The following RAB27B variants were observed in gnomAD, a reference collection of about 807,000 sequenced individuals.
RAB27B encodes ras-related protein Rab-27B.
In RAB27B, 15 loss-of-function variants were observed where a neutral mutation model predicts 24.6. The observed-to-expected ratio is 0.61, with a 90% CI of 0.41 to 0.94. RAB27B has a LOEUF of 0.94. RAB27B is among the 40% of genes least tolerant of loss of function. RAB27B has a pLI of 0.00. For missense variants in RAB27B, 261 were observed against 266.8 expected, an observed-to-expected ratio of 0.98 and a Z score of 0.15; for synonymous variants, 105 against 92.5, an observed-to-expected ratio of 1.14 and a Z score of -0.78.
intron 2 of RAB27B, among the ~76,000 whole-genome samples, chr18:54,879,080 C>G (rs1445489867): frequency 6.6e-6 from 1 of 152,092 alleles, no homozygotes; most frequent in African/African-American, 2.4e-5. Flanking sequence ...GTATTTGAAC[C>G]TAGAACTTGG....
intron 2 of RAB27B, among the ~76,000 whole-genome samples, chr18:54,808,518 A>T (rs1193694429): frequency 1.3e-5 from 2 of 152,272 alleles, no homozygotes; most frequent in Non-Finnish European, 2.9e-5. Context: ...GTTGAGGAAC[A>T]TTAGAAATCT....
chr18:54,761,488 T>C (rs12960512), intron 2 of RAB27B, among the ~76,000 whole-genome samples: 19,833 of 152,108 alleles, frequency 0.13, 1,686 homozygotes, highest in Admixed American at 0.18. Flanking sequence ...TAATAGAAAA[T>C]ACCAAACAGT....
chr18:54,809,666 G>C (rs1032167338), intron 2 of RAB27B, among the ~76,000 whole-genome samples: 1 of 152,210 alleles, frequency 6.6e-6, no homozygotes, highest in Non-Finnish European at 1.5e-5. Context: ...GTTAGGAAAT[G>C]CTTTAGTTAA....
At chr18:54,831,391 TGGGGACAG>T (rs1217262451) in intron 1 of RAB27B, among the ~76,000 whole-genome samples, 1 of 151,924 alleles carries the variant, frequency 6.6e-6, no homozygotes, top group Admixed American at 6.6e-5. Flanking sequence ...GAGGAGATAA[TGGGGACAG>T]GTCTTGGAGG....
chr18:54,814,242 G>C (rs1382429484), intron 2 of RAB27B, among the ~76,000 whole-genome samples: 3 of 152,192 alleles, frequency 2.0e-5, no homozygotes, highest in Non-Finnish European at 4.4e-5. Flanking sequence ...CTTTGTCACA[G>C]TTACTATTCA....
intron 1 of RAB27B, among the ~76,000 whole-genome samples, chr18:54,832,019 C>G (rs993131942): frequency 6.6e-6 from 1 of 152,170 alleles, no homozygotes; most frequent in African/African-American, 2.4e-5. Context: ...CATGATCTGC[C>G]TACCTTGGCC....
intron 1 of RAB27B, among the ~76,000 whole-genome samples, chr18:54,871,044 G>T (rs1314327642): frequency 6.6e-6 from 1 of 152,160 alleles, no homozygotes; most frequent in Non-Finnish European, 1.5e-5. Flanking sequence ...AGGCAAAAAT[G>T]TTATTTAGAG....
At chr18:54,852,120 G>C (rs2145220755) in intron 1 of RAB27B, among the ~76,000 whole-genome samples, 1 of 152,232 alleles carries the variant, frequency 6.6e-6, no homozygotes, top group African/African-American at 2.4e-5. Context: ...TTTTGCAGTT[G>C]CAACACTTGT....
At chr18:54,877,302 A>G (rs972323487) in intron 1 of RAB27B, among the ~76,000 whole-genome samples, 1 of 152,188 alleles carries the variant, frequency 6.6e-6, no homozygotes, top group Non-Finnish European at 1.5e-5. Flanking sequence ...TTACAGCAGC[A>G]TGAGAACAGA....
intron 2 of RAB27B, among the ~76,000 whole-genome samples, chr18:54,786,380 G>A (rs528446406): frequency 6.6e-5 from 10 of 152,236 alleles, no homozygotes; most frequent in East Asian, 5.8e-4. Context: ...GGAAGTTCAC[G>A]GAGAACAGCT....
intron 2 of RAB27B, among the ~76,000 whole-genome samples, chr18:54,764,739 A>G (rs1441093701): frequency 2.0e-5 from 3 of 151,954 alleles, no homozygotes; most frequent in East Asian, 1.9e-4. Flanking sequence ...CTTTTATTTC[A>G]TTGTTCCTCA....
chr18:54,757,239 C>T (rs900872515), intron 2 of RAB27B, among the ~76,000 whole-genome samples: 6 of 152,038 alleles, frequency 3.9e-5, no homozygotes, highest in Non-Finnish European at 1.5e-5. Context: ...AATAGGGGAC[C>T]CTGGGAGCCC....
At chr18:54,791,653 G>A (rs1339341857) in intron 2 of RAB27B, among the ~76,000 whole-genome samples, 2 of 152,162 alleles carry the variant, frequency 1.3e-5, no homozygotes, top group Non-Finnish European at 1.5e-5. Flanking sequence ...GCCTTGACGC[G>A]CAAATATTGC....
At chr18:54,735,518 A>G (rs899441453) in intron 2 of RAB27B, among the ~76,000 whole-genome samples, 7 of 151,692 alleles carry the variant, frequency 4.6e-5, no homozygotes, top group Admixed American at 6.6e-5. Context: ...ATTTCAGATA[A>G]TTTTTCTGAC....
At chr18:54,766,446 T>C (rs1189030963) in intron 2 of RAB27B, among the ~76,000 whole-genome samples, 2 of 152,312 alleles carry the variant, frequency 1.3e-5, no homozygotes, top group East Asian at 3.9e-4. Context: ...GAGCAGATCA[T>C]TGAATGTCTC....
intron 1 of RAB27B, among the ~76,000 whole-genome samples, chr18:54,873,977 G>T (rs1436515724): frequency 2.0e-5 from 3 of 152,118 alleles, no homozygotes; most frequent in Non-Finnish European, 4.4e-5. Context: ...TAGAAAAGAG[G>T]CAATGTGGGC....
intron 2 of RAB27B, among the ~76,000 whole-genome samples, chr18:54,725,900 T>C (rs1376522859): frequency 6.6e-6 from 1 of 151,474 alleles, no homozygotes; most frequent in Non-Finnish European, 1.5e-5. Context: ...TTATAGAAAA[T>C]GTAAAGAACT....
chr18:54,804,588 G>C (rs1397736719), intron 2 of RAB27B, among the ~76,000 whole-genome samples: 3 of 152,172 alleles, frequency 2.0e-5, no homozygotes, highest in African/African-American at 7.2e-5. Flanking sequence ...CAATTGGCCT[G>C]TAATCTCCAA....
intron 2 of RAB27B, among the ~76,000 whole-genome samples, chr18:54,806,608 T>C (rs1909798364): frequency 6.7e-6 from 1 of 149,976 alleles, no homozygotes; most frequent in African/African-American, 2.4e-5. Flanking sequence ...ACTTAGAATG[T>C]TTATGTTTGA....
Sources: allele counts gnomAD v4.1 joint callset (sites outside exome capture counted in the v4.1 genomes callset), GRCh38; gene constraint gnomAD v4.1.1; transcripts MANE v1.5; gene names NCBI Gene and HGNC (gene_info 2026-07-23, HGNC 2026-07-21).